Variants in PCSK5 observed in about 807,000 individuals in gnomAD.
PCSK5 encodes proprotein convertase subtilisin/kexin type 5, also known as prohormone convertase 5.
PCSK5 carries 129 observed loss-of-function variants against 233.2 expected under a neutral mutation model. The ratio of observed to expected loss-of-function variants is 0.55; its 90% CI spans 0.48 to 0.64. The LOEUF is 0.64. Ranked by LOEUF, PCSK5 falls within the 30% of genes least tolerant of loss-of-function variation. The pLI, the probability that PCSK5 is intolerant of heterozygous loss-of-function variation, is 0.00. For missense variants in PCSK5, 2,076 were observed against 2,430.1 expected (o/e 0.85, Z 3.06); for synonymous variants, 825 against 879.2 (o/e 0.94, Z 1.09).
chr9:76,167,941 C>T (rs1467986039), intron 12 of PCSK5, among the ~76,000 whole-genome samples: 1 of 152,070 alleles, frequency 6.6e-6, no homozygotes. Flanking sequence ...TTTTTCCTCT[C>T]TGTTTGCCTC....
rs183154374 is a variant in PCSK5 at position 76,291,217 on chromosome 9, G to A, written c.3143-1016G>A. Among the ~76,000 whole-genome samples the A allele has an allele frequency of 6.6e-5, 10 of 152,340 alleles. 1 individual carries two copies. Among genetic ancestry groups the A allele is most frequent in the African/African-American group, 2.4e-4 (10 of 41,566 alleles). On this transcript the variant is annotated intron_variant, in intron 24 of 37. Coordinates refer to ENST00000674117, the MANE Select transcript of PCSK5 (RefSeq NM_001372043.1). ...AGCCTCCCTAGGACCCAAGATGAAC[G>A]TGTGACTAAAGATTTGAGTGAGGTT...
chr9:76,006,021 C>CT (rs374786942), intron 3 of PCSK5, among the ~76,000 whole-genome samples: 2,244 of 143,022 alleles, frequency 0.016, 52 homozygotes, highest in African/African-American at 0.053. Flanking sequence ...CCACCACGCC[C>CT]TTTTTTTTTT....
chr9:76,325,143 AG>A (rs771233623), intron 32 of PCSK5, among the ~76,000 whole-genome samples: 2 of 152,108 alleles, frequency 1.3e-5, no homozygotes, highest in Non-Finnish European at 2.9e-5. Flanking sequence ...CGCATGCAGA[AG>A]AGGCGGGTGT....
chr9:76,200,482 G>T (rs12236539), intron 20 of PCSK5, among the ~76,000 whole-genome samples: 3 of 151,978 alleles, frequency 2.0e-5, no homozygotes, highest in Non-Finnish European at 4.4e-5. Context: ...TTCGTTACTT[G>T]TTGTCAGCCA....
intron 12 of PCSK5, 133 bp from the exon 13 acceptor site, chr9:76,169,571 T>A: frequency 1.6e-6 from 1 of 611,922 alleles, no homozygotes. Context: ...ATTGGTGACA[T>A]CCAGGATGCA....
intron 2 of PCSK5, among the ~76,000 whole-genome samples, chr9:75,934,277 A>G (rs1363069829): frequency 1.3e-5 from 2 of 152,188 alleles, no homozygotes; most frequent in Non-Finnish European, 2.9e-5. Context: ...CCGTCTGCTC[A>G]TCGTTCCCAC....
chr9:76,089,656 G>A (rs1304919837), intron 7 of PCSK5, among the ~76,000 whole-genome samples: 1 of 152,002 alleles, frequency 6.6e-6, no homozygotes, highest in African/African-American at 2.4e-5. Context: ...ATTTACTCAT[G>A]GCCTTTTAAA....
At chr9:76,009,471 A>G (rs767377191) in intron 3 of PCSK5, among the ~76,000 whole-genome samples, 4 of 152,018 alleles carry the variant, frequency 2.6e-5, no homozygotes, top group Admixed American at 1.3e-4. Flanking sequence ...TACTAAAAAT[A>G]CAAAAATTAG....
rs191013104 is a variant in PCSK5, at chr9:76,044,205, G to A, written c.632+17168G>A. Among the ~76,000 whole-genome samples, 3 of 152,242 alleles carry A rather than the reference G, an allele frequency of 2.0e-5. No homozygotes were observed. The East Asian group carries it at 5.8e-4, about 29-fold the overall frequency. On this transcript the variant is annotated intron_variant, in intron 5 of 37. Transcript: ENST00000674117. ...AGGAACAACTTCAGATGTAGAATTT[G>A]GCTATAATTTTAACAACTTGAGATT...
At chr9:76,351,447 G>GAAAGGAAAGAAA (rs1491332963) in intron 36 of PCSK5, among the ~76,000 whole-genome samples, 20 of 27,458 alleles carry the variant, frequency 7.3e-4, no homozygotes, top group African/African-American at 2.1e-3. Context: ...GTGAAAGAAA[G>GAAAGGAAAGAAA]GAAAGAAAGA....
intron 2 of PCSK5, among the ~76,000 whole-genome samples, chr9:75,967,617 G>C (rs1294485203): frequency 6.6e-6 from 1 of 152,216 alleles, no homozygotes; most frequent in Admixed American, 6.5e-5. Context: ...TTAGTGGTAA[G>C]AGCATGCTAA....
intron 2 of PCSK5, among the ~76,000 whole-genome samples, chr9:75,984,918 A>G (rs149591483): frequency 1.3e-5 from 2 of 152,326 alleles, no homozygotes; most frequent in African/African-American, 4.8e-5. Flanking sequence ...TCCCTTCTCC[A>G]GTAATCTTTT....
At chr9:76,263,332 T>A (rs1301222514) in intron 24 of PCSK5, among the ~76,000 whole-genome samples, 4 of 152,202 alleles carry the variant, frequency 2.6e-5, no homozygotes, top group Non-Finnish European at 5.9e-5. Context: ...TGCACACGTA[T>A]GTTTATTGCG....
intron 1 of PCSK5, among the ~76,000 whole-genome samples, chr9:75,923,553 A>T (rs1318864863): frequency 6.6e-6 from 1 of 152,232 alleles, no homozygotes; most frequent in Middle Eastern, 3.2e-3. Context: ...CCTGAAAATT[A>T]TGAAGAATAA....
intron 20 of PCSK5, among the ~76,000 whole-genome samples, chr9:76,192,809 A>G (rs1362208805): frequency 6.6e-6 from 1 of 152,240 alleles, no homozygotes; most frequent in African/African-American, 2.4e-5. Context: ...ACAGTTTAAT[A>G]TGAAGCATCT....
At chr9:76,152,414 T>A (rs1379699219) in intron 10 of PCSK5, among the ~76,000 whole-genome samples, 1 of 152,214 alleles carries the variant, frequency 6.6e-6, no homozygotes, top group Non-Finnish European at 1.5e-5. Flanking sequence ...ATAGGCAAAA[T>A]TTAAAGTTTC....
intron 1 of PCSK5, among the ~76,000 whole-genome samples, chr9:75,912,246 G>A (rs918033870): frequency 1.3e-5 from 2 of 152,098 alleles, no homozygotes; most frequent in African/African-American, 2.4e-5. Flanking sequence ...CCTTAAAGAT[G>A]CCTGGAGGAA....
intron 24 of PCSK5, among the ~76,000 whole-genome samples, chr9:76,251,847 G>A (rs1235062173): frequency 1.3e-5 from 2 of 152,032 alleles, no homozygotes. Flanking sequence ...GTAACTAGTA[G>A]AATCAGGACT....
At chr9:76,251,024 T>C (rs556693524) in intron 24 of PCSK5, among the ~76,000 whole-genome samples, 4 of 152,272 alleles carry the variant, frequency 2.6e-5, no homozygotes, top group Non-Finnish European at 5.9e-5. Flanking sequence ...TCCCAACACT[T>C]TGGGAGGCCA....
Sources: allele counts gnomAD v4.1 joint callset (sites outside exome capture counted in the v4.1 genomes callset), GRCh38; gene constraint gnomAD v4.1.1; transcripts MANE v1.5; gene names NCBI Gene and HGNC (gene_info 2026-07-23, HGNC 2026-07-21).